XK: variants seen among roughly 807,000 people sequenced by gnomAD.
XK encodes the protein endoplasmic reticulum membrane adapter protein XK.
Under a neutral mutation model 14.0 loss-of-function variants are expected in XK, and 2 were observed. That is an observed-to-expected ratio of 0.14 (90% confidence interval 0.06 to 0.45). The LOEUF (loss-of-function observed/expected upper bound fraction) is 0.45, where lower values mean the gene tolerates loss of function less well. Among genes scored for constraint, XK ranks in the 20% least tolerant of loss-of-function variants. XK has a pLI of 0.98. For missense variants in XK, 235 were observed against 341.5 expected, an observed-to-expected ratio of 0.69 and a Z score of 2.46; for synonymous variants, 149 against 147.5, an observed-to-expected ratio of 1.01 and a Z score of -0.08.
At chrX:37,700,610 C>T (rs939059916) in intron 2 of XK, among the ~76,000 whole-genome samples, 13 of 111,345 alleles carry the variant, frequency 1.2e-4, no homozygotes, top group Non-Finnish European at 3.8e-5. Context: ...CTGGCCCTGG[C>T]GGGAGGAGCT....
intron 2 of XK, among the ~76,000 whole-genome samples, chrX:37,723,582 G>T (rs1240000416): frequency 6.3e-5 from 7 of 111,312 alleles, no homozygotes; most frequent in East Asian, 2.8e-4. Flanking sequence ...TAGAGAAAAA[G>T]ATGTAATTTG....
In XK at chrX:37,727,989, A is replaced by G; in HGVS notation, c.862A>G (p.Thr288Ala). ...IVLCFLTLLY[T>A]GINMFCWSAV... is the part of the protein sequence containing the mutation. ...ACTATGCTTTCTAACTTTACTCTAT[A>G]CTGGTATCAACATGTTCTGCTGGTC... is the stretch of plus-strand genomic sequence containing the variant. Residue 288 changes from threonine to alanine, a missense_variant, in exon 3 of 3, where the codon ACT becomes GCT. By Grantham distance (58) the Thr-to-Ala change is moderately conservative. Coordinates refer to ENST00000378616, the MANE Select transcript of XK (RefSeq NM_021083.4). The G allele has an allele frequency of 1.7e-6, 2 of 1,210,889 alleles. No individual in the cohort carries two copies. Among genetic ancestry groups the G allele is most frequent in the Non-Finnish European group, 2.2e-6 (2 of 895,252 alleles).
At chrX:37,722,178 T>A (rs782468898) in intron 2 of XK, among the ~76,000 whole-genome samples, 2 of 111,847 alleles carry the variant, frequency 1.8e-5, no homozygotes, top group South Asian at 7.3e-4. Flanking sequence ...TGTTTGTGAA[T>A]TATAGCTTCA....
chrX:37,700,556 T>C (rs1400107699), intron 2 of XK, among the ~76,000 whole-genome samples: 1 of 111,678 alleles, frequency 9.0e-6, no homozygotes, highest in Non-Finnish European at 1.9e-5. Context: ...GGTGTTTGAA[T>C]CAGTGATTTT....
At chrX:37,701,411 G>T (rs1296516269) in intron 2 of XK, among the ~76,000 whole-genome samples, 2 of 112,574 alleles carry the variant, frequency 1.8e-5, no homozygotes, top group East Asian at 5.6e-4. Context: ...GTAGCAATCT[G>T]TCCCCTTGCC....
intron 2 of XK, among the ~76,000 whole-genome samples, chrX:37,700,101 T>A (rs1302166893): frequency 8.9e-6 from 1 of 111,782 alleles, no homozygotes; most frequent in African/African-American, 3.3e-5. Context: ...GTGCCTGAGC[T>A]CATCCACACC....
chrX:37,726,610 A>G (rs1211023457), intron 2 of XK, among the ~76,000 whole-genome samples: 1 of 112,263 alleles, frequency 8.9e-6, no homozygotes, highest in Non-Finnish European at 1.9e-5. Flanking sequence ...GTACAACTCA[A>G]GGCCAACAGT....
chrX:37,707,659 A>G (rs1470726754), intron 2 of XK, among the ~76,000 whole-genome samples: 1 of 108,872 alleles, frequency 9.2e-6, no homozygotes. Flanking sequence ...GCGGCCGGGC[A>G]GAGACGCTCC....
At chrX:37,693,309 AT>A (rs1927239171) in intron 1 of XK, among the ~76,000 whole-genome samples, 1 of 111,669 alleles carries the variant, frequency 9.0e-6, no homozygotes, top group Non-Finnish European at 1.9e-5. Flanking sequence ...GGCCATGAAT[AT>A]TTTTCTTACT....
chrX:37,703,071 A>G (rs1163050096), intron 2 of XK, among the ~76,000 whole-genome samples: 10 of 112,184 alleles, frequency 8.9e-5, no homozygotes, highest in Admixed American at 6.6e-4. Context: ...CTCAATGTCC[A>G]TACTTATCAT....
At chrX:37,691,093 G>A (rs1927192955) in intron 1 of XK, among the ~76,000 whole-genome samples, 2 of 111,995 alleles carry the variant, frequency 1.8e-5, no homozygotes, top group African/African-American at 6.5e-5. Flanking sequence ...AAAAAACAGT[G>A]GCTTACAAGA....
At chrX:37,707,655 G>A (rs1179419122) in intron 2 of XK, among the ~76,000 whole-genome samples, 15 of 110,392 alleles carry the variant, frequency 1.4e-4, no homozygotes, top group Non-Finnish European at 2.9e-4. Context: ...ATGGGCGGCC[G>A]GGCAGAGACG....
intron 1 of XK, among the ~76,000 whole-genome samples, chrX:37,688,384 A>G (rs1927140115): frequency 9.0e-6 from 1 of 111,009 alleles, no homozygotes; most frequent in Non-Finnish European, 1.9e-5. Context: ...TCTTAACATT[A>G]TCTGTGAGAA....
At chrX:37,689,323 C>T (rs1270740085) in intron 1 of XK, among the ~76,000 whole-genome samples, 1 of 112,376 alleles carries the variant, frequency 8.9e-6, no homozygotes, top group African/African-American at 3.2e-5. Flanking sequence ...TTTCTTCCTG[C>T]TGACTGTTTG....
chrX:37,705,665 A>C (rs1207997136), intron 2 of XK, among the ~76,000 whole-genome samples: 1 of 111,456 alleles, frequency 9.0e-6, no homozygotes, highest in Admixed American at 9.5e-5. Flanking sequence ...TGAAATATTT[A>C]TACTAATAAT....
intron 2 of XK, among the ~76,000 whole-genome samples, chrX:37,706,475 T>C (rs1205747717): frequency 9.0e-6 from 1 of 110,749 alleles, no homozygotes; most frequent in African/African-American, 3.3e-5. Flanking sequence ...CCCAAAGATA[T>C]TCAGGTTCTA....
chrX:37,699,195 C>T (rs1011167636), intron 2 of XK, among the ~76,000 whole-genome samples: 4 of 111,887 alleles, frequency 3.6e-5, no homozygotes, highest in Non-Finnish European at 5.6e-5. Context: ...ATTAAGAATG[C>T]GTAAGTGGAA....
chrX:37,723,963 C>T (rs910293556), intron 2 of XK, among the ~76,000 whole-genome samples: 1 of 111,155 alleles, frequency 9.0e-6, no homozygotes, highest in African/African-American at 3.3e-5. Context: ...TAACTTAGTG[C>T]AATTACTTCC....
intron 2 of XK, among the ~76,000 whole-genome samples, chrX:37,703,595 AG>A (rs1350696252): frequency 8.9e-6 from 1 of 112,223 alleles, no homozygotes. Flanking sequence ...TAGGGTTCAG[AG>A]TACAGGGTCT....
Sources: allele counts gnomAD v4.1 joint callset (sites outside exome capture counted in the v4.1 genomes callset), GRCh38; gene constraint gnomAD v4.1.1; transcripts MANE v1.5; gene names NCBI Gene and HGNC (gene_info 2026-07-23, HGNC 2026-07-21).